ACTL8: variants seen among roughly 807,000 people sequenced by gnomAD.
ACTL8 encodes the protein actin like 8, also known as actin-like protein 8.
Under a neutral mutation model 9.3 loss-of-function variants are expected in ACTL8, and 3 were observed. The ratio of observed to expected loss-of-function variants is 0.32; its 90% CI spans 0.15 to 0.83. The LOEUF (loss-of-function observed/expected upper bound fraction) is 0.83, where lower values mean the gene tolerates loss of function less well. ACTL8 is among the 40% of genes least tolerant of loss of function. The probability of loss-of-function intolerance (pLI) is 0.57; values close to 1 mark genes in which losing one functional copy is unlikely to be tolerated. For synonymous variants in ACTL8, 224 were observed against 205.9 expected (o/e 1.09, Z -0.75); for missense variants, 381 against 492.2 (o/e 0.77, Z 2.14).
At chr1:17,819,624 A>G (rs918399925) in intron 1 of ACTL8, among the ~76,000 whole-genome samples, 1 of 152,196 alleles carries the variant, frequency 6.6e-6, no homozygotes, top group Non-Finnish European at 1.5e-5. Context: ...AAACACCCAC[A>G]TACAGTCTAG....
intron 1 of ACTL8, among the ~76,000 whole-genome samples, chr1:17,820,634 C>G (rs2053649258): frequency 6.7e-6 from 1 of 150,084 alleles, no homozygotes; most frequent in Admixed American, 6.7e-5. Flanking sequence ...ATGGTGCGAT[C>G]TTGGCTCACC....
chr1:17,790,660 T>C lies in ACTL8; in HGVS notation c.-24-32325T>C, dbSNP rs538998635. ...TGAGACTGGCATCTGGCCCCCAGCC[T>C]TCAGGTCCTCCCTGATCTGAAGGTG... On this transcript the variant is annotated intron_variant, in intron 1 of 2. Transcript: ENST00000375406. Among the ~76,000 whole-genome samples, 12 of 152,294 alleles carry C rather than the reference T, an allele frequency of 7.9e-5. No individual in the cohort carries two copies. In the South Asian group the frequency reaches 2.5e-3, roughly 32 times the overall value.
intron 1 of ACTL8, among the ~76,000 whole-genome samples, chr1:17,772,634 G>C (rs538687549): frequency 6.6e-6 from 1 of 152,308 alleles, no homozygotes; most frequent in African/African-American, 2.4e-5. Context: ...GCCCAATAGT[G>C]GTGGGAAGAG....
intron 1 of ACTL8, among the ~76,000 whole-genome samples, chr1:17,781,777 A>G (rs980306793): frequency 2.0e-5 from 3 of 152,132 alleles, no homozygotes; most frequent in Middle Eastern, 3.2e-3. Context: ...GTAAAATCCC[A>G]TGCATACATT....
chr1:17,774,089 C>T lies in ACTL8; in HGVS notation c.-25+18585C>T, dbSNP rs148255035. Among the ~76,000 whole-genome samples, 250 of 152,236 alleles carry T rather than the reference C, an allele frequency of 1.6e-3. 1 individual carries two copies. Among genetic ancestry groups the T allele is most frequent in the African/African-American group, 5.8e-3 (239 of 41,556 alleles). On this transcript the variant is annotated intron_variant, in intron 1 of 2. Transcript: ENST00000375406. ...CATTGCTGTCATGGCCTAGAGGTAG[C>T]GCCACCTTCTGTCTCACACTTGAGG...
At chr1:17,758,559 A>G (rs953717339) in intron 1 of ACTL8, among the ~76,000 whole-genome samples, 1 of 152,152 alleles carries the variant, frequency 6.6e-6, no homozygotes, top group African/African-American at 2.4e-5. Flanking sequence ...CTTATTGTAA[A>G]TCTTCCTCCA....
At chr1:17,792,738 G>A (rs543167873) in intron 1 of ACTL8, among the ~76,000 whole-genome samples, 6 of 152,146 alleles carry the variant, frequency 3.9e-5, no homozygotes, top group Non-Finnish European at 8.8e-5. Context: ...CCTGCTCATC[G>A]TGATGACTTT....
At chr1:17,759,288 T>C (rs2065986853) in intron 1 of ACTL8, among the ~76,000 whole-genome samples, 1 of 152,240 alleles carries the variant, frequency 6.6e-6, no homozygotes, top group Non-Finnish European at 1.5e-5. Context: ...CCGAGGAGCC[T>C]CTGCAGCAGG....
intron 1 of ACTL8, among the ~76,000 whole-genome samples, chr1:17,818,071 A>G (rs1012087236): frequency 7.2e-5 from 11 of 152,050 alleles, no homozygotes; most frequent in African/African-American, 2.7e-4. Context: ...CTTTACATAC[A>G]CTTAATAGGC....
Position 17,826,282 on chromosome 1 carries a change from C to T in ACTL8, c.864C>T (p.Arg288=). The change falls in exon 3 of 3, where the codon CGC becomes CGT. Residue 288 remains arginine (R), a synonymous_variant. Coordinates refer to ENST00000375406, the MANE Select transcript of ACTL8 (RefSeq NM_030812.3). The surrounding 1 kb of genome is among the most constrained non-coding windows in gnomAD (Gnocchi z 4.5). ...TGGAGTCCTGCGAGATCTCCCTGCGCCCCCTGCTGGTCTCCCACGTGATGG... is the reference window on the plus strand; with the variant it reads ...TGGAGTCCTGCGAGATCTCCCTGCGTCCCCTGCTGGTCTCCCACGTGATGG... ...ESVESCEISL[R]PLLVSHVMAC... The T allele has an allele frequency of 6.2e-7, 1 of 1,611,250 alleles. No individual in the cohort carries two copies. Among genetic ancestry groups the T allele is most frequent in the Non-Finnish European group, 8.5e-7 (1 of 1,177,922 alleles).
In ACTL8 at chr1:17,826,262, T is replaced by G. The variant is rs770959636; in HGVS notation, c.844T>G (p.Ser282Ala). The change falls in exon 3 of 3, where the codon TCC becomes GCC. Residue 282 changes from serine (S) to alanine (A), a missense_variant. Ser to Ala is a moderately conservative substitution (Grantham distance 99). Coordinates refer to ENST00000375406, the MANE Select transcript of ACTL8 (RefSeq NM_030812.3). The surrounding 1 kb of genome is among the most constrained non-coding windows in gnomAD (Gnocchi z 4.5). ...ACGGGCCATTGTGGAATCCGTGGAG[T>G]CCTGCGAGATCTCCCTGCGCCCCCT... Reference protein sequence around the residue: ...IPRAIVESVESCEISLRPLLV... With the variant: ...IPRAIVESVEACEISLRPLLV... 1 of 1,611,982 alleles carries G rather than the reference T, an allele frequency of 6.2e-7. No homozygotes were observed. Among genetic ancestry groups the G allele is most frequent in the South Asian group, 1.1e-5 (1 of 90,976 alleles).
chr1:17,776,954 C>A (rs1038166819), intron 1 of ACTL8, among the ~76,000 whole-genome samples: 1 of 147,276 alleles, frequency 6.8e-6, no homozygotes, highest in Non-Finnish European at 1.5e-5. Context: ...CATCCACCAC[C>A]GTTCCTGGCT....
intron 1 of ACTL8, among the ~76,000 whole-genome samples, chr1:17,768,614 A>T (rs1470898026): frequency 6.6e-6 from 1 of 152,242 alleles, no homozygotes; most frequent in Non-Finnish European, 1.5e-5. Flanking sequence ...GGCTGGGCTC[A>T]GAGTGCAGAG....
chr1:17,764,557 G>T lies in ACTL8; in HGVS notation c.-25+9053G>T, dbSNP rs370950733. On this transcript the variant is annotated intron_variant, in intron 1 of 2. Coordinates refer to ENST00000375406, the MANE Select transcript of ACTL8 (RefSeq NM_030812.3). ...TGGGGTTGGTGATGCTGTGACTTCA[G>T]CAGCCTAAGCTTCTGGGCACCCCCC... Among the ~76,000 whole-genome samples the T allele has an allele frequency of 2.8e-4, 41 of 148,342 alleles. No homozygotes were observed. The East Asian group carries it at 6.2e-3, about 22-fold the overall frequency.
chr1:17,801,888 A>G (rs2066325161), intron 1 of ACTL8, among the ~76,000 whole-genome samples: 1 of 152,218 alleles, frequency 6.6e-6, no homozygotes, highest in Non-Finnish European at 1.5e-5. Flanking sequence ...AGCATAAATC[A>G]TTGGTCTCAT....
chr1:17,790,174 A>G (rs1377465945), intron 1 of ACTL8, among the ~76,000 whole-genome samples: 1 of 152,196 alleles, frequency 6.6e-6, no homozygotes, highest in East Asian at 1.9e-4. Context: ...CGGGGAACAC[A>G]AAGGCACTCG....
chr1:17,787,495 C>T (rs1366258322), intron 1 of ACTL8, among the ~76,000 whole-genome samples: 3 of 152,162 alleles, frequency 2.0e-5, no homozygotes, highest in African/African-American at 7.2e-5. Context: ...TCTCCAACTC[C>T]CAGCCTCAAG....
At chr1:17,806,748 G>T (rs1449619256) in intron 1 of ACTL8, among the ~76,000 whole-genome samples, 1 of 152,234 alleles carries the variant, frequency 6.6e-6, no homozygotes, top group Admixed American at 6.5e-5. Context: ...AGATTCTTCT[G>T]CAGAGCCCTG....
intron 1 of ACTL8, among the ~76,000 whole-genome samples, chr1:17,760,906 T>G (rs1038901480): frequency 6.6e-6 from 1 of 152,314 alleles, no homozygotes; most frequent in South Asian, 2.1e-4. Flanking sequence ...TTACTGGCTA[T>G]AAAACCGATC....
Sources: allele counts gnomAD v4.1 joint callset (sites outside exome capture counted in the v4.1 genomes callset), GRCh38; gene constraint gnomAD v4.1.1; non-coding constraint Gnocchi (gnomAD v3.1); transcripts MANE v1.5; gene names NCBI Gene and HGNC (gene_info 2026-07-23, HGNC 2026-07-21).